The following HCN1 variants were observed in gnomAD, a reference collection of about 807,000 sequenced individuals.
HCN1 encodes hyperpolarization activated cyclic nucleotide gated potassium channel 1.
HCN1 carries 13 observed loss-of-function variants against 78.9 expected under a neutral mutation model. The ratio of observed to expected loss-of-function variants is 0.16; its 90% CI spans 0.11 to 0.26. HCN1 has a LOEUF of 0.26. HCN1 is among the 10% of genes least tolerant of loss of function. The probability of loss-of-function intolerance (pLI) is 1.00; values close to 1 mark genes in which losing one functional copy is unlikely to be tolerated. For missense variants in HCN1, 810 were observed against 1,154.3 expected (o/e 0.70, Z 4.32); for synonymous variants, 552 against 455.5 (o/e 1.21, Z -2.70).
chr5:45,460,278 C>A (rs1258396262), intron 3 of HCN1, among the ~76,000 whole-genome samples: 3 of 152,064 alleles, frequency 2.0e-5, no homozygotes, highest in Non-Finnish European at 2.9e-5. Flanking sequence ...TGCCGCCTTT[C>A]CACCTTCTGC....
chr5:45,583,523 T>C lies in HCN1; in HGVS notation c.849+61662A>G, dbSNP rs545888473. ...TGAAGGGTTTTTTGTGTCTCTATTTTCTTCAGTTCTGCTATGATCTTAGTT... is the reference window on the plus strand; with the variant it reads ...TGAAGGGTTTTTTGTGTCTCTATTTCCTTCAGTTCTGCTATGATCTTAGTT... On this transcript the variant is annotated intron_variant, in intron 2 of 7. Transcript: ENST00000303230. Among the ~76,000 whole-genome samples, 246 of 152,244 alleles carry C rather than the reference T, an allele frequency of 1.6e-3. 7 individuals carry two copies. The South Asian group carries it at 0.05, about 31-fold the overall frequency.
chr5:45,370,721 T>C (rs1233530633), intron 4 of HCN1, among the ~76,000 whole-genome samples: 1 of 152,076 alleles, frequency 6.6e-6, no homozygotes, highest in East Asian at 1.9e-4. Context: ...CTAGCTATTG[T>C]CATGCGCCAG....
chr5:45,547,104 A>G (rs1743246375), intron 2 of HCN1, among the ~76,000 whole-genome samples: 1 of 151,974 alleles, frequency 6.6e-6, no homozygotes, highest in African/African-American at 2.4e-5. Context: ...TATTCTTATG[A>G]CAAAATCTTT....
intron 1 of HCN1, among the ~76,000 whole-genome samples, chr5:45,687,636 A>T (rs1187918670): frequency 6.6e-6 from 1 of 152,096 alleles, no homozygotes; most frequent in Non-Finnish European, 1.5e-5. Flanking sequence ...TCCTTATGCC[A>T]TCCCTCTGGA....
At chr5:45,498,073 C>A (rs1742088187) in intron 2 of HCN1, among the ~76,000 whole-genome samples, 2 of 152,086 alleles carry the variant, frequency 1.3e-5, no homozygotes, top group South Asian at 4.1e-4. Flanking sequence ...CTTGGAGTTG[C>A]TCTTCTCGAG....
At chr5:45,454,544 T>TA (rs1388306569) in intron 3 of HCN1, among the ~76,000 whole-genome samples, 3 of 152,012 alleles carry the variant, frequency 2.0e-5, no homozygotes, top group Admixed American at 6.6e-5. Context: ...CGTTCTATTT[T>TA]AAAAAATTAA....
intron 4 of HCN1, among the ~76,000 whole-genome samples, chr5:45,366,022 T>G (rs1254972400): frequency 6.6e-6 from 1 of 151,876 alleles, no homozygotes; most frequent in African/African-American, 2.4e-5. Flanking sequence ...AATCTAGAGA[T>G]ACTATTTCAC....
At chr5:45,401,756 G>T (rs115946927) in intron 3 of HCN1, among the ~76,000 whole-genome samples, 4 of 151,184 alleles carry the variant, frequency 2.6e-5, no homozygotes, top group African/African-American at 7.3e-5. Context: ...AAATCAACAG[G>T]TCTCCATATA....
intron 1 of HCN1, among the ~76,000 whole-genome samples, chr5:45,688,367 A>G (rs1739847501): frequency 6.6e-6 from 1 of 152,106 alleles, no homozygotes; most frequent in African/African-American, 2.4e-5. Context: ...CTATGTCACC[A>G]TGTTCACGCT....
At chr5:45,391,029 C>A (rs1739549070) in intron 4 of HCN1, among the ~76,000 whole-genome samples, 2 of 152,014 alleles carry the variant, frequency 1.3e-5, no homozygotes, top group Admixed American at 1.3e-4. Flanking sequence ...ATTTAACATA[C>A]CACGGTATGT....
intron 4 of HCN1, among the ~76,000 whole-genome samples, chr5:45,385,336 T>C (rs900728865): frequency 6.6e-6 from 1 of 152,110 alleles, no homozygotes; most frequent in Non-Finnish European, 1.5e-5. Context: ...TTATGAAAGT[T>C]GAGAAGGTAG....
intron 3 of HCN1, among the ~76,000 whole-genome samples, chr5:45,448,157 A>G (rs945693592): frequency 6.6e-6 from 1 of 152,098 alleles, no homozygotes; most frequent in Admixed American, 6.5e-5. Context: ...TCATTTTCAT[A>G]TTCCATGGAA....
intron 5 of HCN1, among the ~76,000 whole-genome samples, chr5:45,333,000 T>C (rs575897640): frequency 6.6e-6 from 1 of 151,944 alleles, no homozygotes; most frequent in Admixed American, 6.6e-5. Flanking sequence ...TTTGGGTATA[T>C]ACCCAGCAGT....
At chr5:45,620,608 T>C (rs1179230419) in intron 2 of HCN1, among the ~76,000 whole-genome samples, 3 of 151,956 alleles carry the variant, frequency 2.0e-5, no homozygotes, top group African/African-American at 7.2e-5. Context: ...AGTTCTGTTA[T>C]ATAAATTCAT....
chr5:45,473,339 A>G (rs575891811), intron 2 of HCN1, among the ~76,000 whole-genome samples: 1 of 152,018 alleles, frequency 6.6e-6, no homozygotes, highest in East Asian at 1.9e-4. Flanking sequence ...TAGCATGCAT[A>G]TATTCTCCAG....
chr5:45,626,198 T>C (rs1745160256), intron 2 of HCN1, among the ~76,000 whole-genome samples: 1 of 152,232 alleles, frequency 6.6e-6, no homozygotes, highest in African/African-American at 2.4e-5. Flanking sequence ...CTGTCACTTA[T>C]CAATTTTATA....
intron 2 of HCN1, among the ~76,000 whole-genome samples, chr5:45,615,613 A>G (rs1744928977): frequency 1.3e-5 from 2 of 152,010 alleles, no homozygotes; most frequent in Non-Finnish European, 1.5e-5. Flanking sequence ...AAAATTTGTT[A>G]TAAGCTTAAG....
chr5:45,687,353 T>C (rs1739828583), intron 1 of HCN1, among the ~76,000 whole-genome samples: 1 of 152,192 alleles, frequency 6.6e-6, no homozygotes, highest in African/African-American at 2.4e-5. Flanking sequence ...ATGTCCATTT[T>C]CACTTTTTTA....
At chr5:45,421,128 T>A (rs566296234) in intron 3 of HCN1, among the ~76,000 whole-genome samples, 256 of 152,090 alleles carry the variant, frequency 1.7e-3, no homozygotes, top group African/African-American at 5.9e-3. Context: ...AGTGGTGCGA[T>A]CTCAGCTCAA....
Sources: allele counts gnomAD v4.1 joint callset (sites outside exome capture counted in the v4.1 genomes callset), GRCh38; gene constraint gnomAD v4.1.1; transcripts MANE v1.5; gene names NCBI Gene and HGNC (gene_info 2026-07-23, HGNC 2026-07-21).